GMDS: variants seen among roughly 807,000 people sequenced by gnomAD.
GMDS encodes GDP-mannose 4,6-dehydratase, also known as GDP-mannose 4,6 dehydratase.
A neutral mutation model predicts 49.9 loss-of-function variants in GMDS; 20 were observed. The observed-to-expected ratio is 0.40, with a 90% CI of 0.28 to 0.58. The LOEUF (loss-of-function observed/expected upper bound fraction) is 0.58, where lower values mean the gene tolerates loss of function less well. Ranked by LOEUF, GMDS falls within the 20% of genes least tolerant of loss-of-function variation. GMDS has a pLI of 0.42. For missense variants in GMDS, 362 were observed against 481.4 expected (o/e 0.75, Z 2.32); for synonymous variants, 177 against 178.6 (o/e 0.99, Z 0.07).
At chr6:1,904,001 CGACT>C (rs1760630709) in intron 7 of GMDS, among the ~76,000 whole-genome samples, 1 of 152,134 alleles carries the variant, frequency 6.6e-6, no homozygotes, top group African/African-American at 2.4e-5. Context: ...TGATTTATTG[CGACT>C]GAGTCCCAAC....
chr6:1,707,137 G>A, intron 9 of GMDS, among the ~76,000 whole-genome samples: 1 of 152,146 alleles, frequency 6.6e-6, no homozygotes, highest in East Asian at 1.9e-4. Context: ...CCTCTCAAAT[G>A]TTGCTTACCC....
At chr6:1,840,077 G>A (rs1467746898) in intron 7 of GMDS, among the ~76,000 whole-genome samples, 1 of 152,146 alleles carries the variant, frequency 6.6e-6, no homozygotes, top group African/African-American at 2.4e-5. Flanking sequence ...TTCTGCTATG[G>A]TGTAAAACTC....
At chr6:1,712,049 C>T (rs7765344) in intron 9 of GMDS, among the ~76,000 whole-genome samples, 73,923 of 152,072 alleles carry the variant, frequency 0.49, 20,090 homozygotes, top group South Asian at 0.71. Flanking sequence ...CTCTTCAATG[C>T]TTAGAAACGG....
At chr6:2,003,653 A>G (rs1766975828) in intron 4 of GMDS, among the ~76,000 whole-genome samples, 1 of 152,182 alleles carries the variant, frequency 6.6e-6, no homozygotes, top group African/African-American at 2.4e-5. Flanking sequence ...TACAATCTCA[A>G]AGCAGTTAAA....
chr6:2,169,896 C>A (rs1777870329), intron 1 of GMDS, among the ~76,000 whole-genome samples: 1 of 151,912 alleles, frequency 6.6e-6, no homozygotes, highest in African/African-American at 2.4e-5. Context: ...AAGGTGCTAT[C>A]TGGTGGTATA....
At chr6:1,871,649 T>C (rs546542347) in intron 7 of GMDS, among the ~76,000 whole-genome samples, 2 of 152,350 alleles carry the variant, frequency 1.3e-5, no homozygotes, top group South Asian at 4.1e-4. Context: ...GTTTTAAACA[T>C]ACTTGATACT....
chr6:1,809,829 C>G (rs936915693), intron 7 of GMDS, among the ~76,000 whole-genome samples: 17 of 152,076 alleles, frequency 1.1e-4, no homozygotes, highest in Non-Finnish European at 2.4e-4. Context: ...GCAACAACCA[C>G]GCATGGAATA....
At chr6:1,851,125 C>T (rs1388130514) in intron 7 of GMDS, among the ~76,000 whole-genome samples, 2 of 152,102 alleles carry the variant, frequency 1.3e-5, no homozygotes, top group African/African-American at 2.4e-5. Context: ...AGGTTGTGGA[C>T]GGGAATGTTC....
chr6:1,975,032 T>G (rs1764819894), intron 4 of GMDS, among the ~76,000 whole-genome samples: 1 of 104,196 alleles, frequency 9.6e-6, no homozygotes, highest in African/African-American at 4.0e-5. Context: ...AGTGAGACTC[T>G]GTCTCAAAAA....
intron 7 of GMDS, among the ~76,000 whole-genome samples, chr6:1,835,838 A>G (rs1230468502): frequency 2.6e-5 from 4 of 151,716 alleles, no homozygotes. Context: ...GTCATTAGAC[A>G]TTTTTTTCAT....
At chr6:1,902,525 T>C (rs756676364) in intron 7 of GMDS, among the ~76,000 whole-genome samples, 5 of 152,318 alleles carry the variant, frequency 3.3e-5, no homozygotes, top group African/African-American at 4.8e-5. Flanking sequence ...GTAATCTCAA[T>C]AGAAATGTGT....
At chr6:1,819,398 T>G (rs2113699409) in intron 7 of GMDS, among the ~76,000 whole-genome samples, 1 of 152,330 alleles carries the variant, frequency 6.6e-6, no homozygotes, top group East Asian at 1.9e-4. Context: ...GAGTTGTACC[T>G]TGGTGTATCA....
intron 1 of GMDS, among the ~76,000 whole-genome samples, chr6:2,194,414 G>T (rs1357974692): frequency 6.6e-6 from 1 of 152,104 alleles, no homozygotes; most frequent in Admixed American, 6.5e-5. Flanking sequence ...ATTCCTCATG[G>T]AATATATTTT....
chr6:2,005,912 C>T (rs551467550), intron 4 of GMDS, among the ~76,000 whole-genome samples: 2 of 152,124 alleles, frequency 1.3e-5, no homozygotes, highest in African/African-American at 2.4e-5. Context: ...TCTTTTCACT[C>T]GACACCCTTG....
chr6:2,096,283 T>C (rs755774493), intron 4 of GMDS, among the ~76,000 whole-genome samples: 3 of 152,232 alleles, frequency 2.0e-5, no homozygotes, highest in Non-Finnish European at 4.4e-5. Flanking sequence ...ATGTGATTTG[T>C]TGTTATACAT....
chr6:1,718,770 ACATATATATATATTT>A (rs1766264722), intron 9 of GMDS, among the ~76,000 whole-genome samples: 1 of 149,264 alleles, frequency 6.7e-6, no homozygotes, highest in South Asian at 2.1e-4. Flanking sequence ...TCATATATAT[ACATATATATATATTT>A]CATATATATA....
At chr6:2,012,855 T>C (rs1426750044) in intron 4 of GMDS, among the ~76,000 whole-genome samples, 1 of 152,092 alleles carries the variant, frequency 6.6e-6, no homozygotes, top group Admixed American at 6.6e-5. Context: ...GTCTTTACGG[T>C]GAACATCAGA....
intron 7 of GMDS, among the ~76,000 whole-genome samples, chr6:1,834,872 C>A (rs895935359): frequency 4.6e-5 from 7 of 152,260 alleles, no homozygotes; most frequent in Non-Finnish European, 1.0e-4. Flanking sequence ...AGTTTTATTA[C>A]CCCCATCCAC....
intron 7 of GMDS, among the ~76,000 whole-genome samples, chr6:1,839,668 T>G (rs1215077283): frequency 6.6e-6 from 1 of 152,236 alleles, no homozygotes; most frequent in Non-Finnish European, 1.5e-5. Context: ...CAACTGATGT[T>G]GTAATTTTCA....
Sources: allele counts gnomAD v4.1 joint callset (sites outside exome capture counted in the v4.1 genomes callset), GRCh38; gene constraint gnomAD v4.1.1; transcripts MANE v1.5; gene names NCBI Gene and HGNC (gene_info 2026-07-23, HGNC 2026-07-21).